The following SLC39A11 variants were observed in gnomAD, a reference collection of about 807,000 sequenced individuals.
SLC39A11 encodes the protein zinc transporter ZIP11.
Under a neutral mutation model 36.1 loss-of-function variants are expected in SLC39A11, and 33 were observed. The observed-to-expected ratio is 0.91, with a 90% CI of 0.69 to 1.22. SLC39A11 has a LOEUF of 1.22. Among genes scored for constraint, SLC39A11 ranks in the 50% most tolerant of loss-of-function variants. The pLI is 0.00. For synonymous variants in SLC39A11, 166 were observed against 170.3 expected (o/e 0.97, Z 0.20); for missense variants, 432 against 430.3 (o/e 1.00, Z -0.03).
rs77842568 is a variant in SLC39A11, at chr17:73,010,458, T to C, written c.306+21098A>G. On this transcript the variant is annotated intron_variant, in intron 4 of 9. Coordinates refer to ENST00000255559, the MANE Select transcript of SLC39A11 (RefSeq NM_139177.4). ...AAAGCGAGTTATAGGTAGCCTTCAATCAATGGTCACTGACCTTGGCTGAAC... is the reference window on the plus strand; with the variant it reads ...AAAGCGAGTTATAGGTAGCCTTCAACCAATGGTCACTGACCTTGGCTGAAC... Among the ~76,000 whole-genome samples, 1,397 of 152,282 alleles carry C rather than the reference T, an allele frequency of 9.2e-3. 43 individuals are homozygous for C. The highest frequency in any genetic ancestry group is 0.031 in the East Asian group (162 of 5,172).
intron 5 of SLC39A11, among the ~76,000 whole-genome samples, chr17:72,912,251 C>T (rs1246392445): frequency 3.3e-5 from 5 of 151,886 alleles, no homozygotes; most frequent in African/African-American, 1.2e-4. Flanking sequence ...CTGCAGAAGC[C>T]TGGAGAGCTG....
At chr17:72,856,241 T>A (rs2146124161) in intron 5 of SLC39A11, among the ~76,000 whole-genome samples, 1 of 152,322 alleles carries the variant, frequency 6.6e-6, no homozygotes, top group African/African-American at 2.4e-5. Context: ...TTTCTCATCT[T>A]GAAATAAGTA....
intron 7 of SLC39A11, among the ~76,000 whole-genome samples, chr17:72,729,423 A>ATG (rs2074080417): frequency 6.3e-4 from 1 of 1,598 alleles, no homozygotes; most frequent in African/African-American, 2.4e-3. Context: ...ATATATATAT[A>ATG]TATATATATA....
chr17:73,026,506 C>T (rs1256445303), intron 4 of SLC39A11, among the ~76,000 whole-genome samples: 43 of 103,170 alleles, frequency 4.2e-4, no homozygotes, highest in African/African-American at 1.4e-3. Flanking sequence ...GCAACAAGAG[C>T]GAAACTACAT....
chr17:72,916,515 G>C (rs530936556), intron 5 of SLC39A11, among the ~76,000 whole-genome samples: 12 of 152,088 alleles, frequency 7.9e-5, no homozygotes, highest in African/African-American at 2.9e-4. Context: ...TACCATGGCA[G>C]CAGCTGGGCA....
At chr17:72,968,964 C>T (rs2087223951) in intron 4 of SLC39A11, among the ~76,000 whole-genome samples, 1 of 152,052 alleles carries the variant, frequency 6.6e-6, no homozygotes. Flanking sequence ...CTCTGGCTCA[C>T]CCATCTCTGA....
chr17:72,877,175 T>C (rs2080944786), intron 5 of SLC39A11, among the ~76,000 whole-genome samples: 1 of 152,218 alleles, frequency 6.6e-6, no homozygotes. Flanking sequence ...TTTAGATCAT[T>C]GTAAGCCTCA....
chr17:72,864,807 G>A (rs1002615887), intron 5 of SLC39A11, among the ~76,000 whole-genome samples: 1 of 152,100 alleles, frequency 6.6e-6, no homozygotes, highest in Non-Finnish European at 1.5e-5. Flanking sequence ...TCTTATTGTG[G>A]AATTTGTGGA....
At position 72,729,428 on chromosome 17, in the gene SLC39A11, TATATATATATATATATATATA is replaced by T. The variant is rs1567994582; in HGVS notation, c.671+7201_671+7221del. ...ATTTATATATATATATATATATATATATATATATATATATATATATATATATATATTTTTTTTTTTTTTTTT... is the reference window on the plus strand; with the variant it reads ...ATTTATATATATATATATATATATATTATATATATTTTTTTTTTTTTTTTT... On this transcript the variant is annotated intron_variant, in intron 7 of 9. Transcript: ENST00000255559. Among the ~76,000 whole-genome samples, 21 of 5,282 alleles carry T rather than the reference TATATATATATATATATATATA, an allele frequency of 4.0e-3. 3 individuals are homozygous for T. The East Asian group carries it at 0.06, about 15-fold the overall frequency. 3.5% of individuals were successfully genotyped at this position (5,282 alleles called of 152,430 possible).
chr17:72,834,236 G>T (rs1429191739), intron 6 of SLC39A11, among the ~76,000 whole-genome samples: 1 of 152,206 alleles, frequency 6.6e-6, no homozygotes, highest in Non-Finnish European at 1.5e-5. Context: ...ATGCTAAGGA[G>T]CTAAAGTTTG....
At chr17:72,967,769 CA>C (rs530654671) in intron 4 of SLC39A11, among the ~76,000 whole-genome samples, 2 of 152,130 alleles carry the variant, frequency 1.3e-5, no homozygotes, top group Non-Finnish European at 2.9e-5. Flanking sequence ...TCCAGGCCAG[CA>C]AATCAGCCTC....
chr17:72,692,886 A>C (rs1373565805), intron 7 of SLC39A11, among the ~76,000 whole-genome samples: 6 of 152,034 alleles, frequency 3.9e-5, no homozygotes, highest in Admixed American at 6.5e-5. Context: ...TCATCAAAGC[A>C]CTCACTCTCA....
intron 6 of SLC39A11, among the ~76,000 whole-genome samples, chr17:72,761,918 C>A (rs1262699024): frequency 1.3e-5 from 2 of 152,224 alleles, no homozygotes; most frequent in Non-Finnish European, 2.9e-5. Context: ...AGGGAATCTA[C>A]TGCTGATCAG....
chr17:73,058,910 T>C (rs1022372097), intron 3 of SLC39A11, among the ~76,000 whole-genome samples: 1 of 152,126 alleles, frequency 6.6e-6, no homozygotes, highest in Non-Finnish European at 1.5e-5. Flanking sequence ...ATTCCCTGAA[T>C]GCTTTCAATG....
chr17:72,664,556 C>G (rs1051439225), intron 7 of SLC39A11, among the ~76,000 whole-genome samples: 1 of 152,196 alleles, frequency 6.6e-6, no homozygotes, highest in African/African-American at 2.4e-5. Context: ...TACTAAGGTG[C>G]AAGCCTCCAT....
chr17:72,780,743 T>G (rs1298922017), intron 6 of SLC39A11, among the ~76,000 whole-genome samples: 1 of 152,180 alleles, frequency 6.6e-6, no homozygotes, highest in Non-Finnish European at 1.5e-5. Context: ...ATCCCAGCAC[T>G]TTGGGAGGCC....
intron 6 of SLC39A11, among the ~76,000 whole-genome samples, chr17:72,801,910 CAGACA>C (rs1255458274): frequency 6.6e-6 from 1 of 152,146 alleles, no homozygotes. Context: ...CTTTATGACA[CAGACA>C]AAACACTCTA....
intron 5 of SLC39A11, among the ~76,000 whole-genome samples, chr17:72,938,854 T>C (rs1027282775): frequency 6.6e-6 from 1 of 152,174 alleles, no homozygotes; most frequent in Admixed American, 6.5e-5. Flanking sequence ...CAAGCAAATG[T>C]TAAATTTTGC....
chr17:72,698,763 T>A (rs558963055), intron 7 of SLC39A11, among the ~76,000 whole-genome samples: 1 of 152,134 alleles, frequency 6.6e-6, no homozygotes, highest in Non-Finnish European at 1.5e-5. Context: ...CAAACATTCC[T>A]CCAGTGTGAA....
Sources: allele counts gnomAD v4.1 joint callset (sites outside exome capture counted in the v4.1 genomes callset), GRCh38; gene constraint gnomAD v4.1.1; transcripts MANE v1.5; gene names NCBI Gene and HGNC (gene_info 2026-07-23, HGNC 2026-07-21).